Variants in AGTPBP1 observed in about 807,000 individuals in gnomAD.
The protein encoded by AGTPBP1 is cytosolic carboxypeptidase 1.
In AGTPBP1, 70 loss-of-function variants were observed where a neutral mutation model predicts 143.9. That is an observed-to-expected ratio of 0.49 (90% CI 0.40 to 0.59). AGTPBP1 has a LOEUF of 0.59. AGTPBP1 is among the 20% of genes least tolerant of loss of function. The pLI, the probability that AGTPBP1 is intolerant of heterozygous loss-of-function variation, is 0.00. For missense variants in AGTPBP1, 1,229 were observed against 1,464.5 expected, an observed-to-expected ratio of 0.84 and a Z score of 2.62; for synonymous variants, 463 against 500.2, an observed-to-expected ratio of 0.93 and a Z score of 0.99.
At chr9:85,794,646 T>C in the AGTPBP1 span, among the ~76,000 whole-genome samples, 4 of 152,162 alleles carry the variant, frequency 2.6e-5, no homozygotes, top group African/African-American at 9.6e-5. Context: ...TAAGTTTCCA[T>C]ATGAATTTTA....
At chr9:85,739,573 T>C (rs1206006261) in intron 1 of AGTPBP1, among the ~76,000 whole-genome samples, 2 of 151,662 alleles carry the variant, frequency 1.3e-5, no homozygotes, top group East Asian at 3.9e-4. Flanking sequence ...CCGGGCGTGG[T>C]GGTGTGCTCC....
At chr9:85,666,146 AG>A in intron 8 of AGTPBP1, among the ~76,000 whole-genome samples, 1 of 152,238 alleles carries the variant, frequency 6.6e-6, no homozygotes, top group Admixed American at 6.5e-5. Context: ...AAGGAAAAAA[AG>A]CTTAAGTCCC....
At chr9:85,669,437 A>C (rs1408583830) in intron 8 of AGTPBP1, 48 bp downstream of exon 8, 1 of 1,212,324 alleles carries the variant, frequency 8.2e-7, no homozygotes, top group Non-Finnish European at 1.2e-6. Context: ...AATGAGGCCC[A>C]GAGTAACAAA....
chr9:85,570,432 C>T (rs1465152685), intron 25 of AGTPBP1, among the ~76,000 whole-genome samples: 1 of 152,210 alleles, frequency 6.6e-6, no homozygotes, highest in Non-Finnish European at 1.5e-5. Flanking sequence ...TACCAAACCT[C>T]ATCTACTATT....
At chr9:85,599,834 T>C (rs996997069) in intron 17 of AGTPBP1, among the ~76,000 whole-genome samples, 1 of 152,236 alleles carries the variant, frequency 6.6e-6, no homozygotes, top group Non-Finnish European at 1.5e-5. Context: ...GTGCTATAGA[T>C]GAACAGTCCA....
chr9:85,610,587 T>C (rs560108756), intron 17 of AGTPBP1, among the ~76,000 whole-genome samples: 3 of 152,180 alleles, frequency 2.0e-5, no homozygotes, highest in African/African-American at 7.2e-5. Flanking sequence ...AAGACCTCTA[T>C]TGGGCACATT....
At chr9:85,572,751 T>G (rs1827591898) in intron 25 of AGTPBP1, among the ~76,000 whole-genome samples, 1 of 152,184 alleles carries the variant, frequency 6.6e-6, no homozygotes, top group Non-Finnish European at 1.5e-5. Flanking sequence ...GGCTTAAATA[T>G]CAGTGAGAAT....
chr9:85,666,727 G>C (rs1377568263), intron 8 of AGTPBP1, among the ~76,000 whole-genome samples: 1 of 151,894 alleles, frequency 6.6e-6, no homozygotes, highest in Non-Finnish European at 1.5e-5. Context: ...TTGACAACTT[G>C]GTTATAATAG....
At chr9:85,779,230 G>GAT in the AGTPBP1 span, among the ~76,000 whole-genome samples, 3,711 of 86,300 alleles carry the variant, frequency 0.043, 180 homozygotes, top group African/African-American at 0.14. Context: ...TATAGATATA[G>GAT]ATATAGATAT....
chr9:85,803,894 T>C, the AGTPBP1 span, among the ~76,000 whole-genome samples: 1 of 152,158 alleles, frequency 6.6e-6, no homozygotes, highest in African/African-American at 2.4e-5. Flanking sequence ...ATCTAGAAAC[T>C]CAAAACCTCC....
chr9:85,655,031 A>C (rs1833409087), intron 11 of AGTPBP1, 112 bp downstream of exon 11: 1 of 912,962 alleles, frequency 1.1e-6, no homozygotes, highest in Non-Finnish European at 1.6e-6. Context: ...AATGTTTATC[A>C]CGTTAAGTAA....
intron 18 of AGTPBP1, among the ~76,000 whole-genome samples, chr9:85,595,376 C>T (rs912211972): frequency 6.6e-6 from 1 of 152,122 alleles, no homozygotes; most frequent in East Asian, 1.9e-4. Flanking sequence ...CAAGTGGAAT[C>T]AACAGTGAAC....
chr9:85,676,986 G>A (rs567237895), intron 6 of AGTPBP1, among the ~76,000 whole-genome samples: 7 of 152,244 alleles, frequency 4.6e-5, no homozygotes, highest in African/African-American at 1.7e-4. Context: ...TAAAAAAACT[G>A]ATCTCATGAA....
At chr9:85,697,597 C>T (rs1034949927) in intron 2 of AGTPBP1, among the ~76,000 whole-genome samples, 5 of 151,406 alleles carry the variant, frequency 3.3e-5, no homozygotes, top group African/African-American at 1.2e-4. Flanking sequence ...GGACTACAGG[C>T]ACCCACCACC....
chr9:85,784,222 T>A, the AGTPBP1 span, among the ~76,000 whole-genome samples: 1 of 152,300 alleles, frequency 6.6e-6, no homozygotes, highest in South Asian at 2.1e-4. Context: ...TTTTACTAGT[T>A]GTTTGACCTT....
chr9:85,771,107 A>T, the AGTPBP1 span, among the ~76,000 whole-genome samples: 4 of 152,238 alleles, frequency 2.6e-5, no homozygotes, highest in South Asian at 2.1e-4. Flanking sequence ...GTTATATATT[A>T]TGAAGTGTTA....
chr9:85,727,068 G>A (rs551085971), intron 1 of AGTPBP1, among the ~76,000 whole-genome samples: 5 of 152,250 alleles, frequency 3.3e-5, no homozygotes, highest in South Asian at 2.1e-4. Context: ...GGTGGCTCAC[G>A]CCTGTAATCC....
chr9:85,730,950 T>C (rs1328041179), intron 1 of AGTPBP1, among the ~76,000 whole-genome samples: 1 of 152,216 alleles, frequency 6.6e-6, no homozygotes, highest in African/African-American at 2.4e-5. Context: ...CTTTAAACTA[T>C]TTAGCAGCCT....
At chr9:85,690,832 A>G (rs62569239) in intron 3 of AGTPBP1, among the ~76,000 whole-genome samples, 3,145 of 94,594 alleles carry the variant, frequency 0.033, 25 homozygotes, top group Middle Eastern at 0.16. Flanking sequence ...GTCATTCTCT[A>G]ATAGTGGTAT....
Sources: gnomAD v4.1 joint callset for allele counts (sites outside exome capture counted in the v4.1 genomes callset) on GRCh38, gnomAD v4.1.1 for gene constraint, MANE v1.5 for transcripts, NCBI Gene and HGNC (gene_info 2026-07-23, HGNC 2026-07-21) for gene names.